The following MYO6 variants were observed in gnomAD, a reference collection of about 807,000 sequenced individuals.
The protein encoded by MYO6 is myosin VI.
Under a neutral mutation model 178.7 loss-of-function variants are expected in MYO6, and 74 were observed. The observed-to-expected ratio is 0.41, with a 90% CI of 0.34 to 0.50. The LOEUF (loss-of-function observed/expected upper bound fraction) is 0.50. Ranked by LOEUF, MYO6 falls within the 20% of genes least tolerant of loss-of-function variation. The pLI, the probability that MYO6 is intolerant of heterozygous loss-of-function variation, is 0.09. For missense variants in MYO6, 1,330 were observed against 1,547.4 expected, an observed-to-expected ratio of 0.86 and a Z score of 2.36; for synonymous variants, 477 against 504.6, an observed-to-expected ratio of 0.95 and a Z score of 0.73.
At chr6:75,865,518 C>T (rs1776588168) in intron 16 of MYO6, among the ~76,000 whole-genome samples, 1 of 151,688 alleles carries the variant, frequency 6.6e-6, no homozygotes, top group African/African-American at 2.4e-5. Context: ...CCTGCTCCAC[C>T]ATGCCTGGCT....
chr6:75,859,137 A>G, intron 14 of MYO6, 144 bp downstream of exon 14: 1 of 638,742 alleles, frequency 1.6e-6, no homozygotes, highest in Non-Finnish European at 2.7e-6. Context: ...AGCCCAGCAG[A>G]GGCCCCGGGG....
intron 2 of MYO6, among the ~76,000 whole-genome samples, chr6:75,820,774 TC>T (rs1224677646): frequency 6.6e-6 from 1 of 152,034 alleles, no homozygotes; most frequent in African/African-American, 2.4e-5. Flanking sequence ...AATCTCTCCC[TC>T]CCCCCCATTC....
In MYO6 at chr6:75,832,850, G is replaced by A. The variant is rs746119627; in HGVS notation, c.400G>A (p.Ala134Thr). ...TCTTATTTTGACCCTAGCTGATAAA[G>A]CTTTTCGAGACATGAAGGTGCTCAA... ...PPHVFAIADK[A>T]FRDMKVLKMS... Residue 134 changes from alanine (A) to threonine (T), a missense_variant, in exon 6 of 35, where the codon GCT (alanine) becomes ACT (threonine). Coordinates refer to ENST00000369977, the MANE Select transcript of MYO6 (RefSeq NM_004999.4). 3.1e-6 allele frequency: 5 copies of A among 1,610,940 alleles called. No homozygotes were observed. In the Admixed American group the frequency reaches 6.7e-5, roughly 21 times the overall value.
At chr6:75,775,387 T>C (rs1447294268) in intron 1 of MYO6, among the ~76,000 whole-genome samples, 1 of 152,174 alleles carries the variant, frequency 6.6e-6, no homozygotes, top group Non-Finnish European at 1.5e-5. Context: ...CTTCTGGCAC[T>C]GGGGGGTTGG....
At chr6:75,804,905 T>C (rs1377972951) in intron 1 of MYO6, among the ~76,000 whole-genome samples, 3 of 147,784 alleles carry the variant, frequency 2.0e-5, no homozygotes, top group East Asian at 2.0e-4. Flanking sequence ...TATATACATA[T>C]ATACACACAT....
chr6:75,853,889 A>G (rs1583279160), intron 11 of MYO6, among the ~76,000 whole-genome samples: 1 of 152,082 alleles, frequency 6.6e-6, no homozygotes, highest in Admixed American at 6.6e-5. Flanking sequence ...AGCATTTCAC[A>G]TACATAACCT....
intron 23 of MYO6, 92 bp downstream of exon 23, chr6:75,881,910 A>G: frequency 2.0e-6 from 3 of 1,466,850 alleles, no homozygotes; most frequent in South Asian, 2.3e-5. Context: ...GATGCTGAGC[A>G]ACAGAGACTG....
intron 1 of MYO6, among the ~76,000 whole-genome samples, chr6:75,759,398 T>C (rs276695): frequency 0.77 from 116,939 of 151,988 alleles, 46,220 homozygotes; most frequent in East Asian, 0.95. Flanking sequence ...CAGTAAGAAA[T>C]TCTTAGTTCT....
chr6:75,790,468 G>T (rs72654765), intron 1 of MYO6, among the ~76,000 whole-genome samples: 4,718 of 149,878 alleles, frequency 0.031, 153 homozygotes, highest in East Asian at 0.15. Context: ...TGCAACCTCC[G>T]CCTCGTGGGT....
At position 75,890,238 on chromosome 6, in the gene MYO6, G is replaced by T; in HGVS notation, c.2840G>T (p.Arg947Leu). ...AGACGTGAAGAAGACGAAAAACGTC[G>T]AAGAAAGGAAGAGGAGGAAAGGCGG... ...RKRREEDEKR[R>L]RKEEEERRMK... The change falls in exon 26 of 35, where the codon CGA becomes CTA. Residue 947 changes from arginine (R) to leucine (L), a missense_variant. Physicochemically the swap from Arg to Leu is moderately radical, Grantham distance 102. Around this residue, in one of 3 missense-constraint regions of MYO6, gnomAD observed 601 missense variants for 626.1 expected, o/e 0.96. Coordinates refer to ENST00000369977, the MANE Select transcript of MYO6 (RefSeq NM_004999.4). 6.2e-7 allele frequency: 1 copy of T among 1,613,124 alleles called. No homozygotes were observed. Among genetic ancestry groups the T allele is most frequent in the Non-Finnish European group, 8.5e-7 (1 of 1,179,142 alleles).
chr6:75,849,082 G>A (rs62414788), intron 11 of MYO6, among the ~76,000 whole-genome samples: 2,133 of 152,298 alleles, frequency 0.014, 28 homozygotes, highest in Middle Eastern at 0.048. Flanking sequence ...GTAGGACTTT[G>A]CATAATTCTA....
intron 2 of MYO6, among the ~76,000 whole-genome samples, chr6:75,818,262 T>C (rs1023077524): frequency 1.3e-5 from 2 of 152,204 alleles, no homozygotes; most frequent in South Asian, 2.1e-4. Flanking sequence ...GAAAAGTGAC[T>C]AGGAGTTGTG....
Position 75,897,411 on chromosome 6 carries a change from T to C in MYO6, c.3138-962T>C, listed in dbSNP as rs540955286. Among the ~76,000 whole-genome samples the C allele has an allele frequency of 3.9e-5, 6 of 152,358 alleles. No homozygotes were observed. In the South Asian group the frequency reaches 1.2e-3, roughly 32 times the overall value. On this transcript the variant is annotated intron_variant, in intron 29 of 34. Transcript: ENST00000369977. ...CCTTCACTGTCAGCTTTGAAAGATA[T>C]CTTGTTCTCTGACTGTGCTTTCATA...
intron 1 of MYO6, among the ~76,000 whole-genome samples, chr6:75,758,559 C>T (rs1221982981): frequency 6.6e-6 from 1 of 151,992 alleles, no homozygotes; most frequent in Non-Finnish European, 1.5e-5. Flanking sequence ...CTCCTGGGTT[C>T]ACGCCATTCT....
At chr6:75,828,456 C>A in intron 3 of MYO6, 84 bp from the exon 4 acceptor site, 2 of 859,838 alleles carry the variant, frequency 2.3e-6, no homozygotes, top group South Asian at 2.9e-5. Context: ...TAGGATGAGT[C>A]AAAGTGATTC....
rs34957875 is a variant in MYO6, at chr6:75,859,667, CTTTTTTT to C, written c.1473+686_1473+692del. ...ATCCCTGCCTTTGGCATCTCCCACT[CTTTTTTT>C]TTTTTTTTTTTGAGACGAAGTCTTG... On this transcript the variant is annotated intron_variant, in intron 14 of 34. Transcript: ENST00000369977. 1.5e-3 allele frequency among the ~76,000 whole-genome samples: 173 copies of C among 118,302 alleles called. 2 individuals are homozygous for C. The highest frequency in any genetic ancestry group is 5.3e-3 in the Middle Eastern group (1 of 188). The allele number at this position is 118,302 out of a possible 152,430, so 77.6% of individuals were successfully genotyped here. A position where few individuals can be genotyped will look rare whatever the true frequency, so the allele number is the denominator to read the frequency against.
At chr6:75,853,854 T>G (rs1317937640) in intron 11 of MYO6, among the ~76,000 whole-genome samples, 2 of 152,192 alleles carry the variant, frequency 1.3e-5, no homozygotes, top group Non-Finnish European at 2.9e-5. Context: ...TCGTTAGTAC[T>G]TTCTCTGTAC....
At position 75,890,097 on chromosome 6, in the gene MYO6, A is replaced by T; in HGVS notation, c.2699A>T (p.Asp900Val). The change falls in exon 26 of 35, where the codon GAT becomes GTT. Residue 900 changes from aspartate to valine, a missense_variant. Transcript: ENST00000369977. ...CAGGAACAAATCCAGAAAGAATATG[A>T]TGCACTGGTTAAAAGCTCAGAGGAA... ...MTQEQIQKEY[D>V]ALVKSSEELL... 1 of 1,613,986 alleles carries T rather than the reference A, an allele frequency of 6.2e-7. No homozygotes were observed. Among genetic ancestry groups the T allele is most frequent in the Non-Finnish European group, 8.5e-7 (1 of 1,179,954 alleles).
intron 1 of MYO6, among the ~76,000 whole-genome samples, chr6:75,785,575 CGATCG>C (rs1470783071): frequency 6.7e-6 from 1 of 150,360 alleles, no homozygotes; most frequent in African/African-American, 2.4e-5. Context: ...TGGGCTCAAG[CGATCG>C]TCCCGTGGAG....
Sources: allele counts gnomAD v4.1 joint callset (sites outside exome capture counted in the v4.1 genomes callset), GRCh38; gene constraint gnomAD v4.1.1; regional missense constraint gnomAD v4.1.1; transcripts MANE v1.5; gene names NCBI Gene and HGNC (gene_info 2026-07-23, HGNC 2026-07-21).